SLC8A1: variants seen among roughly 807,000 people sequenced by gnomAD.
The protein encoded by SLC8A1 is solute carrier family 8 member A1.
Under a neutral mutation model 68.3 loss-of-function variants are expected in SLC8A1, and 18 were observed. That is an observed-to-expected ratio of 0.26 (90% confidence interval 0.18 to 0.39). SLC8A1 has a LOEUF of 0.39. Among genes scored for constraint, SLC8A1 ranks in the 10% least tolerant of loss-of-function variants. The probability of loss-of-function intolerance (pLI) is 1.00; values close to 1 mark genes in which losing one functional copy is unlikely to be tolerated. For missense variants in SLC8A1, 985 were observed against 1,156.7 expected, an observed-to-expected ratio of 0.85 and a Z score of 2.15; for synonymous variants, 475 against 415.5, an observed-to-expected ratio of 1.14 and a Z score of -1.74.
chr2:40,401,567 C>CAAAAAAAAAAAAAAAAA (rs3060361), intron 2 of SLC8A1, among the ~76,000 whole-genome samples: 1 of 94,094 alleles, frequency 1.1e-5, no homozygotes, highest in Non-Finnish European at 2.0e-5. Flanking sequence ...ATAGGCCAGT[C>CAAAAAAAAAAAAAAAAA]AAAAAAAAAA....
chr2:40,317,919 G>A (rs1179757726), intron 2 of SLC8A1, among the ~76,000 whole-genome samples: 1 of 152,052 alleles, frequency 6.6e-6, no homozygotes, highest in Non-Finnish European at 1.5e-5. Flanking sequence ...GTTCTGTGAG[G>A]TCATTGCTGT....
chr2:40,259,265 A>T (rs572150702), intron 2 of SLC8A1, among the ~76,000 whole-genome samples: 3 of 152,302 alleles, frequency 2.0e-5, no homozygotes, highest in Non-Finnish European at 2.9e-5. Context: ...GAAGCCTTCC[A>T]TTACAAATAC....
chr2:40,467,843 A>G (rs1703783791), intron 1 of SLC8A1, among the ~76,000 whole-genome samples: 1 of 152,194 alleles, frequency 6.6e-6, no homozygotes, highest in Non-Finnish European at 1.5e-5. Flanking sequence ...CAATCTTCAC[A>G]AAGTGATTTT....
At chr2:40,224,686 G>A (rs892628429) in intron 2 of SLC8A1, among the ~76,000 whole-genome samples, 5 of 152,156 alleles carry the variant, frequency 3.3e-5, no homozygotes, top group African/African-American at 9.7e-5. Context: ...AGCTGCACAA[G>A]TGATTCTGAA....
At chr2:40,327,048 C>T (rs931487037) in intron 2 of SLC8A1, among the ~76,000 whole-genome samples, 1 of 152,038 alleles carries the variant, frequency 6.6e-6, no homozygotes, top group African/African-American at 2.4e-5. Context: ...TACAATATAC[C>T]TATTTTAAAA....
At chr2:40,173,860 A>C (rs564264142) in intron 4 of SLC8A1, among the ~76,000 whole-genome samples, 2 of 152,312 alleles carry the variant, frequency 1.3e-5, no homozygotes, top group African/African-American at 2.4e-5. Context: ...TTAAATATTT[A>C]TCTCTCTAAA....
intron 1 of SLC8A1, among the ~76,000 whole-genome samples, chr2:40,461,926 A>G (rs1232752877): frequency 2.0e-5 from 3 of 151,694 alleles, no homozygotes; most frequent in Non-Finnish European, 4.4e-5. Context: ...TTGACATTAT[A>G]AGATATATTT....
chr2:40,273,721 A>G (rs2066336975), intron 2 of SLC8A1, among the ~76,000 whole-genome samples: 2 of 152,352 alleles, frequency 1.3e-5, no homozygotes, highest in South Asian at 4.1e-4. Context: ...CACTACAGTA[A>G]TTCTAGGTCA....
intron 2 of SLC8A1, among the ~76,000 whole-genome samples, chr2:40,235,492 TTTTC>T (rs1425414498): frequency 2.0e-5 from 3 of 152,182 alleles, no homozygotes; most frequent in Non-Finnish European, 4.4e-5. Flanking sequence ...TTCTCTCTTT[TTTTC>T]TTTATTAGTC....
rs185170588 is a variant in SLC8A1 at position 40,174,950 on chromosome 2, T to C, written c.1913-108A>G. On this transcript the variant is annotated intron_variant, in intron 3 of 7. Coordinates refer to ENST00000406785, the Ensembl canonical transcript of SLC8A1. ...CCCACCCAAGGTACTTGCCAAATTA[T>C]ATTTACAATTAAGAAGACTAGGAAA... is the stretch of plus-strand genomic sequence containing the variant. The C allele has an allele frequency of 8.6e-5, 86 of 1,002,512 alleles. No individual in the cohort carries two copies. The Admixed American group carries it at 1.5e-3, about 17-fold the overall frequency. 62.1% of individuals were successfully genotyped at this position (1,002,512 alleles called of 1,614,324 possible).
intron 2 of SLC8A1, among the ~76,000 whole-genome samples, chr2:40,407,109 C>G (rs1405759636): frequency 6.6e-6 from 1 of 152,126 alleles, no homozygotes; most frequent in Non-Finnish European, 1.5e-5. Context: ...CTCTGTCATC[C>G]AGGCTGGAGT....
intron 2 of SLC8A1, among the ~76,000 whole-genome samples, chr2:40,201,233 T>C (rs1440563491): frequency 1.3e-5 from 2 of 151,940 alleles, no homozygotes; most frequent in Non-Finnish European, 1.5e-5. Context: ...AGAAGTCTTA[T>C]GATTTTCTGT....
At chr2:40,191,230 G>T (rs1450426892) in intron 2 of SLC8A1, among the ~76,000 whole-genome samples, 1 of 152,070 alleles carries the variant, frequency 6.6e-6, no homozygotes, top group African/African-American at 2.4e-5. Flanking sequence ...TCTACTCCTT[G>T]CAAGGTCCAG....
At chr2:40,495,756 C>A (rs1363865158) in intron 1 of SLC8A1, among the ~76,000 whole-genome samples, 4 of 151,974 alleles carry the variant, frequency 2.6e-5, no homozygotes, top group Non-Finnish European at 5.9e-5. Flanking sequence ...TGTCTTGTGA[C>A]AGGATTGGAA....
At chr2:40,281,824 A>G (rs1169414871) in intron 2 of SLC8A1, among the ~76,000 whole-genome samples, 2 of 152,202 alleles carry the variant, frequency 1.3e-5, no homozygotes, top group Non-Finnish European at 2.9e-5. Flanking sequence ...GATGGTTAAT[A>G]AAGGTAAATG....
At chr2:40,393,296 G>A (rs1029909202) in intron 2 of SLC8A1, among the ~76,000 whole-genome samples, 1 of 152,018 alleles carries the variant, frequency 6.6e-6, no homozygotes, top group Admixed American at 6.6e-5. Flanking sequence ...CAGCTATCCA[G>A]TTGTGCTTTG....
At chr2:40,226,472 GAA>G (rs2058994462) in intron 2 of SLC8A1, among the ~76,000 whole-genome samples, 1 of 152,146 alleles carries the variant, frequency 6.6e-6, no homozygotes, top group African/African-American at 2.4e-5. Flanking sequence ...GGAAAGTCTA[GAA>G]TGCCAAGGCA....
intron 6 of SLC8A1, among the ~76,000 whole-genome samples, chr2:40,153,447 A>G (rs2043836494): frequency 6.6e-6 from 1 of 152,208 alleles, no homozygotes; most frequent in African/African-American, 2.4e-5. Context: ...TTTGTCATCC[A>G]TGTTATATGT....
At chr2:40,418,712 C>T (rs1694613658) in intron 2 of SLC8A1, among the ~76,000 whole-genome samples, 1 of 152,222 alleles carries the variant, frequency 6.6e-6, no homozygotes, top group Non-Finnish European at 1.5e-5. Context: ...ATTTCACATT[C>T]TTCTGAGTTC....
Sources: allele counts gnomAD v4.1 joint callset (sites outside exome capture counted in the v4.1 genomes callset), GRCh38; gene constraint gnomAD v4.1.1; transcripts MANE v1.5; gene names NCBI Gene and HGNC (gene_info 2026-07-23, HGNC 2026-07-21).